The following ANKS1B variants were observed in gnomAD, a reference collection of about 807,000 sequenced individuals.
ANKS1B encodes the protein ankyrin repeat and sterile alpha motif domain-containing protein 1B.
A neutral mutation model predicts 148.3 loss-of-function variants in ANKS1B; 36 were observed. That is an observed-to-expected ratio of 0.24 (90% CI 0.19 to 0.32). ANKS1B has a LOEUF of 0.32. ANKS1B is among the 10% of genes least tolerant of loss of function. ANKS1B has a pLI of 1.00. For missense variants in ANKS1B, 1,157 were observed against 1,542.6 expected (o/e 0.75, Z 4.19); for synonymous variants, 542 against 560.8 (o/e 0.97, Z 0.47).
chr12:99,026,912 T>C (rs2099949058), intron 17 of ANKS1B, among the ~76,000 whole-genome samples: 1 of 152,176 alleles, frequency 6.6e-6, no homozygotes, highest in Non-Finnish European at 1.5e-5. Flanking sequence ...TCTAGGAAAA[T>C]GTGCATTGTA....
At chr12:99,818,351 G>C (rs1259262333) in intron 2 of ANKS1B, among the ~76,000 whole-genome samples, 2 of 151,786 alleles carry the variant, frequency 1.3e-5, no homozygotes, top group Non-Finnish European at 2.9e-5. Context: ...CCACGATTTT[G>C]CAGCTGTGAA....
At chr12:99,301,454 T>C (rs994841831) in intron 12 of ANKS1B, among the ~76,000 whole-genome samples, 1 of 152,202 alleles carries the variant, frequency 6.6e-6, no homozygotes, top group African/African-American at 2.4e-5. Flanking sequence ...AAAGAGCTGT[T>C]GAACAGATAT....
At position 98,954,723 on chromosome 12, in the gene ANKS1B, T is replaced by G. The variant is rs2099859543; in HGVS notation, c.2778+98434A>C. Among the ~76,000 whole-genome samples, 4 of 152,194 alleles carry G rather than the reference T, an allele frequency of 2.6e-5. No individual in the cohort carries two copies. In the South Asian group the frequency reaches 8.3e-4, roughly 31 times the overall value. ...AGATGATGTCACTATATTCTTCCAC[T>G]AGCCTAGGTTCTTAAAAGCTCTAAG... is the stretch of plus-strand genomic sequence containing the variant. On this transcript the variant is annotated intron_variant, in intron 17 of 26. Transcript: ENST00000683438.
At chr12:99,927,803 A>AG (rs2094509788) in intron 1 of ANKS1B, among the ~76,000 whole-genome samples, 3 of 152,154 alleles carry the variant, frequency 2.0e-5, no homozygotes, top group Admixed American at 2.0e-4. Context: ...AAAAAGAAGA[A>AG]GAAACAAGAA....
intron 17 of ANKS1B, among the ~76,000 whole-genome samples, chr12:98,974,572 C>G (rs1170277392): frequency 1.3e-5 from 2 of 148,406 alleles, no homozygotes; most frequent in African/African-American, 4.9e-5. Flanking sequence ...AAAAGGTAAA[C>G]TTTTTAAAAA....
chr12:99,130,903 GT>G (rs1328719551), intron 15 of ANKS1B, among the ~76,000 whole-genome samples: 1 of 152,084 alleles, frequency 6.6e-6, no homozygotes, highest in Non-Finnish European at 1.5e-5. Context: ...TTCTGTACCT[GT>G]TGACCCCTTC....
chr12:99,307,878 C>T (rs1452175719), intron 12 of ANKS1B, among the ~76,000 whole-genome samples: 2 of 152,082 alleles, frequency 1.3e-5, no homozygotes, highest in Non-Finnish European at 2.9e-5. Context: ...GGAGGTCACA[C>T]AGCCAATTTG....
chr12:99,071,859 G>T (rs936089013), intron 16 of ANKS1B, among the ~76,000 whole-genome samples: 1 of 151,852 alleles, frequency 6.6e-6, no homozygotes, highest in Non-Finnish European at 1.5e-5. Context: ...ATTGGCCAGG[G>T]TGGTCTTGAA....
chr12:99,065,448 G>C (rs1295665529), intron 16 of ANKS1B, among the ~76,000 whole-genome samples: 1 of 152,176 alleles, frequency 6.6e-6, no homozygotes, highest in Admixed American at 6.5e-5. Flanking sequence ...CACACAACCA[G>C]AATTAGCAGT....
chr12:98,923,446 G>A (rs183146687), intron 17 of ANKS1B, among the ~76,000 whole-genome samples: 1 of 152,306 alleles, frequency 6.6e-6, no homozygotes, highest in East Asian at 1.9e-4. Flanking sequence ...TAGTCTACTT[G>A]ATGTGTGAAG....
At chr12:99,249,121 G>A (rs2074245183) in intron 12 of ANKS1B, among the ~76,000 whole-genome samples, 1 of 152,132 alleles carries the variant, frequency 6.6e-6, no homozygotes, top group Non-Finnish European at 1.5e-5. Context: ...GATTAAGGTG[G>A]TAGGAAGGAG....
chr12:99,194,134 T>A (rs1482578045), intron 14 of ANKS1B, among the ~76,000 whole-genome samples: 3 of 152,110 alleles, frequency 2.0e-5, no homozygotes, highest in Non-Finnish European at 4.4e-5. Flanking sequence ...GAATATATAT[T>A]TTTTAAAGGT....
chr12:98,845,088 C>T (rs2099443708), intron 17 of ANKS1B, among the ~76,000 whole-genome samples: 1 of 152,080 alleles, frequency 6.6e-6, no homozygotes, highest in Non-Finnish European at 1.5e-5. Flanking sequence ...AGGGGTTTAG[C>T]AGAAAGAATG....
intron 17 of ANKS1B, among the ~76,000 whole-genome samples, chr12:99,029,605 T>C (rs1598675171): frequency 6.6e-6 from 1 of 152,196 alleles, no homozygotes; most frequent in Admixed American, 6.5e-5. Context: ...AAACATAGAC[T>C]GGAGGAAGCC....
intron 9 of ANKS1B, among the ~76,000 whole-genome samples, chr12:99,606,311 T>A (rs1057330072): frequency 2.6e-5 from 4 of 152,042 alleles, no homozygotes; most frequent in African/African-American, 9.6e-5. Context: ...TTAACAAAAA[T>A]GTGTTCTTTA....
At chr12:99,209,919 C>T (rs893110517) in intron 14 of ANKS1B, among the ~76,000 whole-genome samples, 1 of 152,084 alleles carries the variant, frequency 6.6e-6, no homozygotes, top group African/African-American at 2.4e-5. Flanking sequence ...AGATAACCTC[C>T]CCTCTGACCA....
At position 99,392,851 on chromosome 12, in the gene ANKS1B, TG is replaced by T. The variant is rs1264795968; in HGVS notation, c.1756+6779del. Among the ~76,000 whole-genome samples, 4 of 138,160 alleles carry T rather than the reference TG, an allele frequency of 2.9e-5. No homozygotes were observed. The East Asian group carries it at 1.0e-3, about 36-fold the overall frequency. 90.6% of individuals were successfully genotyped at this position (138,160 alleles called of 152,430 possible). Reference sequence around the variant, plus strand: ...TTCCTCCCACCCTACCCTCCCTCACTGAAAAAAAATCATTATCTCAACTATC... The same window carrying T: ...TTCCTCCCACCCTACCCTCCCTCACTAAAAAAAATCATTATCTCAACTATC... On this transcript the variant is annotated intron_variant, in intron 12 of 26. Coordinates refer to ENST00000683438, the MANE Select transcript of ANKS1B (RefSeq NM_001352186.2).
chr12:99,473,749 T>C (rs1481430189), intron 10 of ANKS1B, among the ~76,000 whole-genome samples: 2 of 152,074 alleles, frequency 1.3e-5, no homozygotes, highest in Non-Finnish European at 2.9e-5. Context: ...TGCCAATTGT[T>C]TCCATTCTTT....
intron 17 of ANKS1B, among the ~76,000 whole-genome samples, chr12:98,963,681 A>G (rs2099875435): frequency 6.6e-6 from 1 of 152,208 alleles, no homozygotes; most frequent in South Asian, 2.1e-4. Context: ...AAGCTTCTGC[A>G]TAGTAAAAGA....
Sources: gnomAD v4.1 joint callset for allele counts (sites outside exome capture counted in the v4.1 genomes callset) on GRCh38, gnomAD v4.1.1 for gene constraint, MANE v1.5 for transcripts, NCBI Gene and HGNC (gene_info 2026-07-23, HGNC 2026-07-21) for gene names.